Variants in PRKCE observed in about 807,000 individuals in gnomAD.
PRKCE encodes protein kinase C epsilon.
In PRKCE, 16 loss-of-function variants were observed where a neutral mutation model predicts 85.4. That is an observed-to-expected ratio of 0.19 (90% CI 0.13 to 0.28). The LOEUF is 0.28. Among genes scored for constraint, PRKCE ranks in the 10% least tolerant of loss-of-function variants. The probability of loss-of-function intolerance (pLI) is 1.00; values close to 1 mark genes in which losing one functional copy is unlikely to be tolerated. For synonymous variants in PRKCE, 388 were observed against 371.5 expected (o/e 1.04, Z -0.51); for missense variants, 573 against 975.2 (o/e 0.59, Z 5.49).
chr2:46,067,322 A>C (rs945737269), intron 10 of PRKCE, among the ~76,000 whole-genome samples: 15 of 152,188 alleles, frequency 9.9e-5, no homozygotes, highest in African/African-American at 3.6e-4. Context: ...AACAGTTTGG[A>C]TTAATAGGAA....
chr2:45,881,904 C>T (rs1378784972), intron 2 of PRKCE, among the ~76,000 whole-genome samples: 1 of 152,134 alleles, frequency 6.6e-6, no homozygotes, highest in Non-Finnish European at 1.5e-5. Flanking sequence ...CTCGAAGACC[C>T]CTGGAGCATG....
At chr2:45,971,413 G>C (rs904009339) in intron 2 of PRKCE, among the ~76,000 whole-genome samples, 1 of 152,150 alleles carries the variant, frequency 6.6e-6, no homozygotes. Context: ...TCGTTTTTTA[G>C]AAATTGTAAC....
intron 12 of PRKCE, among the ~76,000 whole-genome samples, chr2:46,148,793 C>T (rs1321831259): frequency 6.6e-6 from 1 of 152,174 alleles, no homozygotes; most frequent in Admixed American, 6.5e-5. Flanking sequence ...TGAGAAAGTG[C>T]CTGCAACTCG....
chr2:45,911,591 C>T lies in PRKCE; in HGVS notation c.413-64838C>T, dbSNP rs1430968936. The stretch of plus-strand genomic sequence containing the variant: ...TCCTGGATGTAGGCAGAGGGATGGG[C>T]TGATTGTATGACTCCTCAGTCTCTG... On this transcript the variant is annotated intron_variant, in intron 2 of 14. Coordinates refer to ENST00000306156, the MANE Select transcript of PRKCE (RefSeq NM_005400.3). 2.6e-5 allele frequency among the ~76,000 whole-genome samples: 4 copies of T among 152,232 alleles called. No homozygotes were observed. The East Asian group carries it at 7.7e-4, about 29-fold the overall frequency.
intron 3 of PRKCE, among the ~76,000 whole-genome samples, chr2:45,976,918 A>C (rs530557362): frequency 5.3e-5 from 8 of 149,640 alleles, no homozygotes; most frequent in African/African-American, 1.5e-4. Context: ...TTGTTTTGAG[A>C]CAGAGTCTAG....
chr2:45,726,692 C>G (rs1573084271), intron 1 of PRKCE, among the ~76,000 whole-genome samples: 1 of 152,128 alleles, frequency 6.6e-6, no homozygotes, highest in Admixed American at 6.5e-5. Flanking sequence ...TATACCTGTA[C>G]TTTTGATTCT....
At chr2:45,754,748 C>T (rs1364320020) in intron 1 of PRKCE, among the ~76,000 whole-genome samples, 2 of 152,248 alleles carry the variant, frequency 1.3e-5, no homozygotes, top group South Asian at 2.1e-4. Flanking sequence ...AATTTAAATG[C>T]CATGGTGTAC....
chr2:46,109,954 T>C (rs1047016300), intron 11 of PRKCE, among the ~76,000 whole-genome samples: 1 of 152,158 alleles, frequency 6.6e-6, no homozygotes, highest in Admixed American at 6.5e-5. Flanking sequence ...TTAATTGATA[T>C]GATCAAATGA....
At chr2:46,103,726 A>G (rs1251045133) in intron 11 of PRKCE, among the ~76,000 whole-genome samples, 2 of 152,230 alleles carry the variant, frequency 1.3e-5, no homozygotes, top group Non-Finnish European at 2.9e-5. Flanking sequence ...TATTCTTAAA[A>G]TGTAAGCTAG....
At chr2:45,975,071 C>T (rs1254593660) in intron 2 of PRKCE, among the ~76,000 whole-genome samples, 2 of 152,158 alleles carry the variant, frequency 1.3e-5, no homozygotes, top group African/African-American at 4.8e-5. Context: ...TTCTCACTCT[C>T]TGGGTTAGAA....
intron 2 of PRKCE, among the ~76,000 whole-genome samples, chr2:45,946,164 G>A (rs184573889): frequency 1.3e-5 from 2 of 152,374 alleles, no homozygotes; most frequent in African/African-American, 4.8e-5. Context: ...GGAATGAGGA[G>A]GAGCCCTGCA....
At chr2:45,858,182 G>A (rs1469444798) in intron 2 of PRKCE, among the ~76,000 whole-genome samples, 1 of 152,232 alleles carries the variant, frequency 6.6e-6, no homozygotes, top group Non-Finnish European at 1.5e-5. Flanking sequence ...CTCCCTGCCT[G>A]TAACGATGGC....
chr2:45,832,877 T>G (rs1383367087), intron 1 of PRKCE, among the ~76,000 whole-genome samples: 1 of 152,198 alleles, frequency 6.6e-6, no homozygotes, highest in Non-Finnish European at 1.5e-5. Flanking sequence ...CAATATTGCC[T>G]TCTTCACATA....
chr2:45,886,611 G>C (rs1440982287), intron 2 of PRKCE, among the ~76,000 whole-genome samples: 1 of 152,226 alleles, frequency 6.6e-6, no homozygotes, highest in Non-Finnish European at 1.5e-5. Context: ...CAGCTGACGT[G>C]ATAACAGTAA....
intron 1 of PRKCE, among the ~76,000 whole-genome samples, chr2:45,684,074 A>G (rs1164571115): frequency 6.6e-6 from 1 of 152,212 alleles, no homozygotes; most frequent in Non-Finnish European, 1.5e-5. Flanking sequence ...AAATTATGCC[A>G]GAGGTGGGAA....
chr2:46,002,170 C>A (rs549170471), intron 7 of PRKCE, among the ~76,000 whole-genome samples: 1 of 152,324 alleles, frequency 6.6e-6, no homozygotes, highest in Non-Finnish European at 1.5e-5. Flanking sequence ...CAGATGTAAA[C>A]AGGGGGAAAG....
At chr2:46,182,039 C>G (rs1209946598) in intron 14 of PRKCE, among the ~76,000 whole-genome samples, 1 of 152,130 alleles carries the variant, frequency 6.6e-6, no homozygotes. Context: ...TTGCCCTATT[C>G]CTTGACTCTC....
At chr2:46,177,070 A>T (rs969476879) in intron 14 of PRKCE, among the ~76,000 whole-genome samples, 2 of 152,174 alleles carry the variant, frequency 1.3e-5, no homozygotes, top group African/African-American at 4.8e-5. Context: ...GGCTAGAAAT[A>T]TGTCCCAAAA....
intron 1 of PRKCE, among the ~76,000 whole-genome samples, chr2:45,760,900 C>T (rs1405425024): frequency 6.6e-6 from 1 of 152,180 alleles, no homozygotes; most frequent in Admixed American, 6.5e-5. Flanking sequence ...GAGTCCAGAG[C>T]TGACCTTGTC....
Sources: gnomAD v4.1 joint callset for allele counts (sites outside exome capture counted in the v4.1 genomes callset) on GRCh38, gnomAD v4.1.1 for gene constraint, MANE v1.5 for transcripts, NCBI Gene and HGNC (gene_info 2026-07-23, HGNC 2026-07-21) for gene names.